The following GPHN variants were observed in gnomAD, a reference collection of about 807,000 sequenced individuals.
GPHN encodes the protein gephyrin.
GPHN carries 17 observed loss-of-function variants against 95.5 expected under a neutral mutation model. The ratio of observed to expected loss-of-function variants is 0.18; its 90% CI spans 0.12 to 0.27. The LOEUF (loss-of-function observed/expected upper bound fraction) is 0.27. Ranked by LOEUF, GPHN falls within the 10% of genes least tolerant of loss-of-function variation. The pLI, the probability that GPHN is intolerant of heterozygous loss-of-function variation, is 1.00. For missense variants in GPHN, 660 were observed against 978.1 expected (o/e 0.67, Z 4.34); for synonymous variants, 320 against 322.5 (o/e 0.99, Z 0.08).
At chr14:67,395,478 C>T in the GPHN span, 2 of 1,614,098 alleles carry the variant, frequency 1.2e-6, no homozygotes, top group East Asian at 2.2e-5. Flanking sequence ...GGCTGCCCTG[C>T]ATGAATAGCC....
intron 1 of GPHN, among the ~76,000 whole-genome samples, chr14:66,621,030 T>C (rs2153315447): frequency 6.6e-6 from 1 of 152,134 alleles, no homozygotes. Flanking sequence ...ACTGGCGTGA[T>C]CTTGGCTCAC....
chr14:67,008,489 G>A (rs2072760629), intron 9 of GPHN, among the ~76,000 whole-genome samples: 1 of 151,670 alleles, frequency 6.6e-6, no homozygotes, highest in African/African-American at 2.4e-5. Context: ...GATTAGTCAT[G>A]ATGTGGGTCA....
At chr14:67,358,108 G>A in the GPHN span, among the ~76,000 whole-genome samples, 2 of 152,098 alleles carry the variant, frequency 1.3e-5, no homozygotes, top group African/African-American at 4.8e-5. Context: ...GGGGGCGGCG[G>A]GGGGCGGCCT....
the GPHN span, among the ~76,000 whole-genome samples, chr14:67,640,522 T>C: frequency 3.0e-4 from 45 of 152,360 alleles, no homozygotes; most frequent in African/African-American, 1.1e-3. Context: ...GGATTGAGTT[T>C]GGGTTCAAGA....
At chr14:67,088,092 A>T (rs1844953162) in intron 11 of GPHN, among the ~76,000 whole-genome samples, 1 of 152,138 alleles carries the variant, frequency 6.6e-6, no homozygotes, top group African/African-American at 2.4e-5. Context: ...GCACTAAATT[A>T]TTTCAATTAA....
the GPHN span, among the ~76,000 whole-genome samples, chr14:67,508,240 C>G: frequency 6.6e-6 from 1 of 152,026 alleles, no homozygotes; most frequent in African/African-American, 2.4e-5. Context: ...CTTCTTTCTC[C>G]TTCAACACCA....
At chr14:66,635,979 A>G (rs1224101465) in intron 1 of GPHN, among the ~76,000 whole-genome samples, 1 of 151,562 alleles carries the variant, frequency 6.6e-6, no homozygotes, top group Non-Finnish European at 1.5e-5. Context: ...TCTACTAAAG[A>G]AAAAAAAAGA....
the GPHN span, among the ~76,000 whole-genome samples, chr14:67,719,864 A>C: frequency 1.3e-5 from 2 of 152,116 alleles, no homozygotes; most frequent in African/African-American, 2.4e-5. Context: ...ACTATCTATT[A>C]TGTGGCTTTA....
intron 1 of GPHN, among the ~76,000 whole-genome samples, chr14:66,671,928 A>G (rs1375282232): frequency 1.3e-5 from 2 of 151,720 alleles, no homozygotes; most frequent in East Asian, 1.9e-4. Context: ...TAGATTTCCC[A>G]TTTTCAGTTG....
At chr14:67,210,415 G>A in the GPHN span, among the ~76,000 whole-genome samples, 248 of 151,852 alleles carry the variant, frequency 1.6e-3, no homozygotes, top group African/African-American at 5.7e-3. Context: ...GGGAGACCCT[G>A]TCTCTATTTA....
chr14:67,428,656 G>A, the GPHN span, among the ~76,000 whole-genome samples: 1 of 152,270 alleles, frequency 6.6e-6, no homozygotes, highest in African/African-American at 2.4e-5. Context: ...GGGTGAAACT[G>A]CATTGTCAGT....
the GPHN span, chr14:67,586,141 G>C: frequency 1.1e-5 from 17 of 1,604,814 alleles, no homozygotes; most frequent in South Asian, 1.9e-4. Context: ...GGCAAGATGT[G>C]GTGGGCTTGG....
the GPHN span, among the ~76,000 whole-genome samples, chr14:67,465,308 G>T: frequency 7.8e-6 from 1 of 128,756 alleles, no homozygotes; most frequent in Non-Finnish European, 1.9e-5. Flanking sequence ...TAACATAGGG[G>T]CCGAAGGCCC....
intron 4 of GPHN, among the ~76,000 whole-genome samples, chr14:66,839,636 T>C (rs2153506702): frequency 6.6e-6 from 1 of 152,306 alleles, no homozygotes; most frequent in South Asian, 2.1e-4. Flanking sequence ...AATGTGTCAA[T>C]TGTCTGCTGT....
intron 17 of GPHN, among the ~76,000 whole-genome samples, chr14:67,140,468 A>G (rs529195945): frequency 8.1e-4 from 124 of 152,246 alleles, no homozygotes; most frequent in Admixed American, 1.7e-3. Flanking sequence ...TTATCCCCCT[A>G]CAGAGATGAA....
chr14:67,326,550 G>T, the GPHN span, among the ~76,000 whole-genome samples: 1 of 152,084 alleles, frequency 6.6e-6, no homozygotes, highest in Admixed American at 6.5e-5. Context: ...ATGTGTACCT[G>T]TGTAACCACC....
intron 2 of GPHN, among the ~76,000 whole-genome samples, chr14:66,693,350 A>G (rs1220321286): frequency 2.0e-5 from 3 of 152,232 alleles, no homozygotes; most frequent in African/African-American, 7.2e-5. Flanking sequence ...AAACTGGACA[A>G]TAATGATAGA....
the GPHN span, among the ~76,000 whole-genome samples, chr14:67,308,103 A>C: frequency 6.6e-6 from 1 of 152,156 alleles, no homozygotes; most frequent in African/African-American, 2.4e-5. Context: ...GGGGAGGGAG[A>C]GGATCAGGAA....
chr14:66,619,719 T>C (rs2153312051), intron 1 of GPHN, among the ~76,000 whole-genome samples: 1 of 152,318 alleles, frequency 6.6e-6, no homozygotes, highest in African/African-American at 2.4e-5. Context: ...TCCTAAGCAT[T>C]TTTATATTTT....
Sources: gnomAD v4.1 joint callset for allele counts (sites outside exome capture counted in the v4.1 genomes callset) on GRCh38, gnomAD v4.1.1 for gene constraint, MANE v1.5 for transcripts, NCBI Gene and HGNC (gene_info 2026-07-23, HGNC 2026-07-21) for gene names.